The following MVB12B variants were observed in gnomAD, a reference collection of about 807,000 sequenced individuals.
The protein encoded by MVB12B is ESCRT-I complex subunit MVB12B.
MVB12B carries 16 observed loss-of-function variants against 41.6 expected under a neutral mutation model. The ratio of observed to expected loss-of-function variants is 0.38; its 90% CI spans 0.26 to 0.58. MVB12B has a LOEUF of 0.58. Ranked by LOEUF, MVB12B falls within the 20% of genes least tolerant of loss-of-function variation. The pLI is 0.62. For missense variants in MVB12B, 274 were observed against 380.2 expected (o/e 0.72, Z 2.32); for synonymous variants, 133 against 139.7 (o/e 0.95, Z 0.34).
rs1232732688 is a variant in MVB12B, at chr9:126,389,508, G to C, written c.410-2558G>C. ...CATTTCTATTGACTATGTATAATAT[G>C]TTTACTTAAAATTAGGCCTGCTTAA... On this transcript the variant is annotated intron_variant, in intron 4 of 9. Transcript: ENST00000361171. The surrounding 1 kb of genome is among the most constrained non-coding windows in gnomAD (Gnocchi z 4.4). Among the ~76,000 whole-genome samples the C allele has an allele frequency of 6.6e-6, 1 of 152,148 alleles. No individual in the cohort carries two copies. Among genetic ancestry groups the C allele is most frequent in the Non-Finnish European group, 1.5e-5 (1 of 68,020 alleles).
rs74607781 is a variant in MVB12B at position 126,482,383 on chromosome 9, G to C, written c.813+959G>C. 3.6e-4 allele frequency among the ~76,000 whole-genome samples: 55 copies of C among 152,372 alleles called. 1 individual carries two copies. In the East Asian group the frequency reaches 0.01, roughly 29 times the overall value. ...CCCGGCTTGCGATTTGACCTGCTCT[G>C]TAGTTTCCATTTTCGTGAAATAGAA... On this transcript the variant is annotated intron_variant, in intron 8 of 9. Transcript: ENST00000361171.
In MVB12B at chr9:126,395,594, A is replaced by T. The variant is rs1831088542; in HGVS notation, c.559A>T (p.Ile187Phe). Residue 187 changes from isoleucine to phenylalanine, a missense_variant, in exon 6 of 10, where the codon ATC (isoleucine) becomes TTC (phenylalanine). Transcript: ENST00000361171. This position sits in a 1 kb window ranked among gnomAD's most constrained non-coding sequence, Gnocchi z 4.9. ...TFIGELNSMG[I>F]WYRMGRVPRN... ...CTAAAGGGAACTGAACAGCATGGGG[A>T]TCTGGTATCGAATGGGCAGAGTACC... 6.2e-7 allele frequency: 1 copy of T among 1,614,088 alleles called. No homozygotes were observed. Among genetic ancestry groups the T allele is most frequent in the Non-Finnish European group, 8.5e-7 (1 of 1,180,050 alleles).
chr9:126,455,566 C>G (rs1832964768), intron 7 of MVB12B, among the ~76,000 whole-genome samples: 1 of 152,142 alleles, frequency 6.6e-6, no homozygotes, highest in Non-Finnish European at 1.5e-5. Flanking sequence ...CTCACTGCAG[C>G]CTCGACTTCC....
intron 7 of MVB12B, 81 bp from the exon 8 acceptor site, chr9:126,481,288 G>A (rs1056532846): frequency 1.7e-6 from 2 of 1,185,736 alleles, no homozygotes; most frequent in East Asian, 2.3e-5. Context: ...CATATTCTCT[G>A]TTTCGACATC....
intron 1 of MVB12B, among the ~76,000 whole-genome samples, chr9:126,328,878 AC>A (rs1829054804): frequency 6.6e-6 from 1 of 151,718 alleles, no homozygotes; most frequent in Non-Finnish European, 1.5e-5. Context: ...GAACTCCTGG[AC>A]TCAAGCGATT....
At position 126,393,768 on chromosome 9, in the gene MVB12B, C is replaced by T. The variant is rs973028550; in HGVS notation, c.539+1573C>T. Among the ~76,000 whole-genome samples, 4 of 152,252 alleles carry T rather than the reference C, an allele frequency of 2.6e-5. 1 individual carries two copies. The highest frequency in any genetic ancestry group is 4.1e-4 in the South Asian group (2 of 4,834). On this transcript the variant is annotated intron_variant, in intron 5 of 9. Transcript: ENST00000361171. ...GGTTTACAGCCCCCTCAGCCATGTG[C>T]GTCTTCCCTGGCCAGGGCTGGCAGG... is the stretch of plus-strand genomic sequence containing the variant.
rs1430578583 is a variant in MVB12B at position 126,395,706 on chromosome 9, T to G, written c.662+9T>G. The stretch of plus-strand genomic sequence containing the variant: ...GCCCCCAACCTTCCCAGGTGAGGCC[T>G]TGTCGGGGTGTCTTGCGTTGTCCTG... On this transcript the variant is annotated intron_variant, in intron 6 of 9. Coordinates refer to ENST00000361171, the MANE Select transcript of MVB12B (RefSeq NM_033446.3). The surrounding 1 kb of genome is among the most constrained non-coding windows in gnomAD (Gnocchi z 4.9). The G allele has an allele frequency of 6.2e-7, 1 of 1,613,756 alleles. No homozygotes were observed. Among genetic ancestry groups the G allele is most frequent in the Admixed American group, 1.7e-5 (1 of 59,976 alleles).
Position 126,395,079 on chromosome 9 carries a change from C to G in MVB12B, c.540-496C>G, listed in dbSNP as rs539941007. On this transcript the variant is annotated intron_variant, in intron 5 of 9. Coordinates refer to ENST00000361171, the MANE Select transcript of MVB12B (RefSeq NM_033446.3). The surrounding 1 kb of genome is among the most constrained non-coding windows in gnomAD (Gnocchi z 4.9). ...GAGTTTTGTAGTTTGAAGATGACTCCCAAACTGACCCTGAGAATGAGTCCA... is the reference window on the plus strand; with the variant it reads ...GAGTTTTGTAGTTTGAAGATGACTCGCAAACTGACCCTGAGAATGAGTCCA... Among the ~76,000 whole-genome samples the G allele has an allele frequency of 6.6e-6, 1 of 152,142 alleles. No homozygotes were observed. Among genetic ancestry groups the G allele is most frequent in the Non-Finnish European group, 1.5e-5 (1 of 68,016 alleles).
intron 7 of MVB12B, among the ~76,000 whole-genome samples, chr9:126,454,603 G>A (rs752912455): frequency 6.6e-6 from 1 of 152,156 alleles, no homozygotes; most frequent in African/African-American, 2.4e-5. Flanking sequence ...AGTGGCCAGG[G>A]GTATGGACCT....
chr9:126,390,659 A>G (rs988023816), intron 4 of MVB12B, among the ~76,000 whole-genome samples: 1 of 152,214 alleles, frequency 6.6e-6, no homozygotes. Context: ...GAAGGATTCT[A>G]GCTAAAAAAT....
At chr9:126,465,886 G>C (rs1478166258) in intron 7 of MVB12B, among the ~76,000 whole-genome samples, 1 of 152,134 alleles carries the variant, frequency 6.6e-6, no homozygotes, top group East Asian at 1.9e-4. Context: ...CATGGGTGCA[G>C]AGCTAGTGCC....
At chr9:126,434,087 T>C (rs112455490) in intron 7 of MVB12B, among the ~76,000 whole-genome samples, 3 of 152,304 alleles carry the variant, frequency 2.0e-5, no homozygotes, top group African/African-American at 7.2e-5. Context: ...ACAAAAGAAA[T>C]TCCGATCTTT....
intron 2 of MVB12B, among the ~76,000 whole-genome samples, chr9:126,359,074 T>A (rs952943999): frequency 7.9e-5 from 12 of 151,992 alleles, no homozygotes; most frequent in African/African-American, 2.9e-4. Flanking sequence ...TTTTTTTTTT[T>A]TATGGAGACA....
rs1419073875 is a variant in MVB12B, at chr9:126,436,699, C to T, written c.757+14751C>T. On this transcript the variant is annotated intron_variant, in intron 7 of 9. Transcript: ENST00000361171. The surrounding 1 kb of genome is among the most constrained non-coding windows in gnomAD (Gnocchi z 4.1). ...AATCCGTAGTGGCTCAGCATATAGT[C>T]CTTTGTCTGGCAGTCCAGTCCACTT... Among the ~76,000 whole-genome samples, 2 of 152,302 alleles carry T rather than the reference C, an allele frequency of 1.3e-5. No individual in the cohort carries two copies. The highest frequency in any genetic ancestry group is 3.4e-3 in the Middle Eastern group (1 of 294).
At chr9:126,450,377 G>A (rs954304086) in intron 7 of MVB12B, among the ~76,000 whole-genome samples, 3 of 152,200 alleles carry the variant, frequency 2.0e-5, no homozygotes, top group African/African-American at 7.2e-5. Flanking sequence ...CCCCCATTGG[G>A]GTGACACAGA....
At chr9:126,423,939 C>T (rs138089586) in intron 7 of MVB12B, among the ~76,000 whole-genome samples, 1 of 152,222 alleles carries the variant, frequency 6.6e-6, no homozygotes, top group Non-Finnish European at 1.5e-5. Context: ...GGCCCTAGCC[C>T]TTGCCCAGTA....
intron 7 of MVB12B, among the ~76,000 whole-genome samples, chr9:126,479,900 T>G (rs1276686930): frequency 6.6e-6 from 1 of 152,258 alleles, no homozygotes; most frequent in Non-Finnish European, 1.5e-5. Context: ...CTTTTCTTGC[T>G]GATTGGGAGG....
chr9:126,337,863 CCG>C (rs1371177522), intron 1 of MVB12B, among the ~76,000 whole-genome samples: 6 of 152,216 alleles, frequency 3.9e-5, no homozygotes, highest in Non-Finnish European at 8.8e-5. Flanking sequence ...GAGTCCTTAG[CCG>C]CGGGGCCATC....
At chr9:126,488,137 T>C (rs1443789596) in intron 9 of MVB12B, among the ~76,000 whole-genome samples, 1 of 152,166 alleles carries the variant, frequency 6.6e-6, no homozygotes, top group East Asian at 1.9e-4. Context: ...AAGTGGTGCC[T>C]GGAGCCAGAA....
Sources: gnomAD v4.1 joint callset for allele counts (sites outside exome capture counted in the v4.1 genomes callset) on GRCh38, gnomAD v4.1.1 for gene constraint, Gnocchi (gnomAD v3.1) non-coding constraint, MANE v1.5 for transcripts, NCBI Gene and HGNC (gene_info 2026-07-23, HGNC 2026-07-21) for gene names.